The following RAMP1 variants were observed in gnomAD, a reference collection of about 807,000 sequenced individuals.
RAMP1 encodes receptor activity-modifying protein 1.
RAMP1 carries 7 observed loss-of-function variants against 8.2 expected under a neutral mutation model. The ratio of observed to expected loss-of-function variants is 0.85; its 90% CI spans 0.49 to 1.60. The LOEUF (loss-of-function observed/expected upper bound fraction) is 1.60. Ranked by LOEUF, RAMP1 falls within the 40% of genes most tolerant of loss-of-function variation. The probability of loss-of-function intolerance (pLI) is 0.00; values close to 1 mark genes in which losing one functional copy is unlikely to be tolerated. For synonymous variants in RAMP1, 92 were observed against 84.7 expected, an observed-to-expected ratio of 1.09 and a Z score of -0.47; for missense variants, 192 against 202.4, an observed-to-expected ratio of 0.95 and a Z score of 0.31.
At chr2:237,861,627 C>T (rs1054480148) in intron 1 of RAMP1, among the ~76,000 whole-genome samples, 10 of 152,040 alleles carry the variant, frequency 6.6e-5, no homozygotes, top group Middle Eastern at 3.2e-3. Context: ...GTGGGTGAAT[C>T]GCCTGAGGTG....
rs1399026076 is a variant in RAMP1, at chr2:237,878,101, TGCAGTGGGTGAGTAGCGGGGTCA to T, written c.191+746_191+768del. ...GGGAGGCGCTGGGGTGTCCTGGGGC[TGCAGTGGGTGAGTAGCGGGGTCA>T]GCAGTGCATGCGTGGAGCTGAAGGC... On this transcript the variant is annotated intron_variant, in intron 2 of 2. Coordinates refer to ENST00000254661, the MANE Select transcript of RAMP1 (RefSeq NM_005855.4). This position sits in a 1 kb window ranked among gnomAD's most constrained non-coding sequence, Gnocchi z 5.7. 1.9e-5 allele frequency: 19 copies of T among 985,340 alleles called. No individual in the cohort carries two copies. The highest frequency in any genetic ancestry group is 1.8e-4 in the Admixed American group (3 of 16,270). The allele number at this position is 985,340 out of a possible 1,614,324, so 61.0% of individuals were successfully genotyped here.
At chr2:237,905,570 G>C (rs1440290223) in intron 2 of RAMP1, among the ~76,000 whole-genome samples, 3 of 152,214 alleles carry the variant, frequency 2.0e-5, no homozygotes, top group South Asian at 2.1e-4. Context: ...GATGGCAATA[G>C]CTCCTCCTAA....
intron 2 of RAMP1, among the ~76,000 whole-genome samples, chr2:237,883,576 G>A (rs932644972): frequency 6.6e-6 from 1 of 152,182 alleles, no homozygotes; most frequent in Non-Finnish European, 1.5e-5. Context: ...AACACTTTGG[G>A]AGGCCAAGGC....
At chr2:237,893,533 G>C (rs1468841043) in intron 2 of RAMP1, among the ~76,000 whole-genome samples, 2 of 152,112 alleles carry the variant, frequency 1.3e-5, no homozygotes, top group Non-Finnish European at 2.9e-5. Context: ...TCACTTCTTT[G>C]TCATATCTTG....
In RAMP1 at chr2:237,911,706, G is replaced by A. The variant is rs757584759; in HGVS notation, c.370G>A (p.Val124Met). The stretch of plus-strand genomic sequence containing the variant: ...CGGCAGCATCCTCTACCCCTTCATC[G>A]TGGTCCCCATCACGGTGACCCTGCT... The part of the protein sequence containing the change: ...PPGSILYPFI[V>M]VPITVTLLVT... Residue 124 changes from valine (V) to methionine (M), a missense_variant, in exon 3 of 3, where the codon GTG becomes ATG. Physicochemically the swap from Val to Met is conservative, Grantham distance 21 (BLOSUM62 1). Transcript: ENST00000254661. 11 of 1,613,764 alleles carry A rather than the reference G, an allele frequency of 6.8e-6. No individual in the cohort carries two copies. Among genetic ancestry groups the A allele is most frequent in the Admixed American group, 3.3e-5 (2 of 60,006 alleles).
intron 1 of RAMP1, among the ~76,000 whole-genome samples, chr2:237,866,604 C>T (rs149671366): frequency 1.9e-3 from 290 of 152,250 alleles, no homozygotes; most frequent in Non-Finnish European, 2.6e-3. Context: ...GTCAGAAATT[C>T]GAGTGTAGCT....
intron 1 of RAMP1, among the ~76,000 whole-genome samples, chr2:237,863,210 C>T (rs1456142225): frequency 8.8e-6 from 1 of 113,508 alleles, no homozygotes; most frequent in East Asian, 1.9e-4. Context: ...CAGGGGAGCC[C>T]GGGCTACAGT....
intron 2 of RAMP1, among the ~76,000 whole-genome samples, chr2:237,910,733 AACACACAGTCACACAGAAAATAGTCAC>A (rs1387992505): frequency 2.0e-5 from 3 of 151,982 alleles, no homozygotes; most frequent in African/African-American, 7.2e-5. Context: ...GAATAACAGT[AACACACAGTCACACAGAAAATAGTCAC>A]ACACACAGTC....
At chr2:237,905,397 G>A (rs1461308053) in intron 2 of RAMP1, among the ~76,000 whole-genome samples, 1 of 152,206 alleles carries the variant, frequency 6.6e-6, no homozygotes, top group Non-Finnish European at 1.5e-5. Context: ...AGACGTGGGT[G>A]GCACTGCAAT....
At chr2:237,909,016 T>C (rs1459810076) in intron 2 of RAMP1, among the ~76,000 whole-genome samples, 1 of 152,108 alleles carries the variant, frequency 6.6e-6, no homozygotes, top group Non-Finnish European at 1.5e-5. Context: ...CACACTGGCA[T>C]CATGGATACG....
Position 237,865,724 on chromosome 2 carries a change from G to T in RAMP1, c.52+5997G>T, listed in dbSNP as rs1321896732. ...GGCCTATGTCAAATCCTTGCTTGGA[G>T]GGGTGACCGGTGAGAGTGGGTAGAA... On this transcript the variant is annotated intron_variant, in intron 1 of 2. Coordinates refer to ENST00000254661, the MANE Select transcript of RAMP1 (RefSeq NM_005855.4). This position sits in a 1 kb window ranked among gnomAD's most constrained non-coding sequence, Gnocchi z 4.2. Among the ~76,000 whole-genome samples, 1 of 152,158 alleles carries T rather than the reference G, an allele frequency of 6.6e-6. No homozygotes were observed. The highest frequency in any genetic ancestry group is 2.4e-5 in the African/African-American group (1 of 41,428).
intron 2 of RAMP1, among the ~76,000 whole-genome samples, chr2:237,883,912 C>CA (rs2062400120): frequency 1.1e-5 from 1 of 93,008 alleles, no homozygotes; most frequent in Non-Finnish European, 1.9e-5. Context: ...TGTAGGTCCA[C>CA]TTTTTTTTTT....
intron 2 of RAMP1, among the ~76,000 whole-genome samples, chr2:237,882,023 A>T (rs868234067): frequency 1.2e-4 from 18 of 152,186 alleles, no homozygotes; most frequent in Admixed American, 5.9e-4. Context: ...CACTGGTTCC[A>T]TCGAAATCCT....
intron 1 of RAMP1, among the ~76,000 whole-genome samples, chr2:237,867,304 G>A (rs571324774): frequency 6.6e-6 from 1 of 152,110 alleles, no homozygotes; most frequent in Admixed American, 6.5e-5. Context: ...TCTTCATGTT[G>A]AGGAGGCCAA....
intron 2 of RAMP1, among the ~76,000 whole-genome samples, chr2:237,910,383 TCACA>T (rs145233740): frequency 0.042 from 5,643 of 135,290 alleles, 337 homozygotes; most frequent in African/African-American, 0.14. Flanking sequence ...AATAACACAG[TCACA>T]CACACACACA....
At chr2:237,880,385 G>A (rs1255307204) in intron 2 of RAMP1, among the ~76,000 whole-genome samples, 2 of 152,192 alleles carry the variant, frequency 1.3e-5, no homozygotes, top group Admixed American at 1.3e-4. Context: ...ACCACGAGAT[G>A]TTCCAGGCTT....
At chr2:237,866,270 T>G in intron 1 of RAMP1, among the ~76,000 whole-genome samples, 1 of 152,134 alleles carries the variant, frequency 6.6e-6, no homozygotes. Context: ...CCCATTTTAT[T>G]TTCTAGCTGG....
chr2:237,868,800 T>C (rs1232934476), intron 1 of RAMP1, among the ~76,000 whole-genome samples: 1 of 152,188 alleles, frequency 6.6e-6, no homozygotes, highest in Non-Finnish European at 1.5e-5. Flanking sequence ...GTTTCCTCTT[T>C]AGCACGTGAA....
At chr2:237,897,301 G>T (rs1272694957) in intron 2 of RAMP1, among the ~76,000 whole-genome samples, 1 of 152,228 alleles carries the variant, frequency 6.6e-6, no homozygotes, top group Non-Finnish European at 1.5e-5. Flanking sequence ...GAGGGGAGGT[G>T]AGAATAAGGC....
Sources: allele counts gnomAD v4.1 joint callset (sites outside exome capture counted in the v4.1 genomes callset), GRCh38; gene constraint gnomAD v4.1.1; non-coding constraint Gnocchi (gnomAD v3.1); transcripts MANE v1.5; gene names NCBI Gene and HGNC (gene_info 2026-07-23, HGNC 2026-07-21).